The following TCTN1 variants were observed in gnomAD, a reference collection of about 807,000 sequenced individuals.
TCTN1 encodes tectonic family member 1, also known as tectonic-1.
TCTN1 carries 58 observed loss-of-function variants against 65.8 expected under a neutral mutation model. The observed-to-expected ratio is 0.88, with a 90% confidence interval of 0.71 to 1.10. The LOEUF (loss-of-function observed/expected upper bound fraction) is 1.10. TCTN1 is among the 50% of genes least tolerant of loss of function. The pLI, the probability that TCTN1 is intolerant of heterozygous loss-of-function variation, is 0.00. For synonymous variants in TCTN1, 273 were observed against 289.1 expected, an observed-to-expected ratio of 0.94 and a Z score of 0.57; for missense variants, 645 against 719.4, an observed-to-expected ratio of 0.90 and a Z score of 1.18.
rs150852228 is a variant in TCTN1, at chr12:110,616,157, C to G, written c.220+1755C>G. On this transcript the variant is annotated intron_variant, in intron 1 of 14. Coordinates refer to ENST00000397659, the MANE Select transcript of TCTN1 (RefSeq NM_001082538.3). ...CTCCATCTGTTAATGCATTTTCTCT[C>G]CAAAATAAAGCTATGCTTGAAACAT... 18 of 273,402 alleles carry G rather than the reference C, an allele frequency of 6.6e-5. No homozygotes were observed. The East Asian group carries it at 1.7e-3, about 25-fold the overall frequency. 16.9% of individuals were successfully genotyped at this position (273,402 alleles called of 1,614,324 possible).
intron 14 of TCTN1, among the ~76,000 whole-genome samples, chr12:110,648,146 T>C (rs1216903483): frequency 6.6e-6 from 1 of 152,152 alleles, no homozygotes; most frequent in East Asian, 1.9e-4. Flanking sequence ...AATTTTAATA[T>C]AGTTTGTAGA....
chr12:110,632,521 C>G lies in TCTN1; in HGVS notation c.674C>G (p.Ser225Cys), dbSNP rs766174385. Residue 225 changes from serine (S) to cysteine (C), a missense_variant, in exon 5 of 15, where the codon TCC (serine) becomes TGC (cysteine). By Grantham distance (112) the Ser-to-Cys change is moderately radical (BLOSUM62 -1). Coordinates refer to ENST00000397659, the MANE Select transcript of TCTN1 (RefSeq NM_001082538.3). ...GATTCGTTTCTGAGATTTCCTTCGTCCCTGACATCATCTCTGTGCACTGAT... is the reference window on the plus strand; with the variant it reads ...GATTCGTTTCTGAGATTTCCTTCGTGCCTGACATCATCTCTGTGCACTGAT... Reference protein sequence around the residue: ...TSDSFLRFPSSLTSSLCTDNN... With the variant: ...TSDSFLRFPSCLTSSLCTDNN... The G allele has an allele frequency of 1.9e-6, 3 of 1,614,036 alleles. No homozygotes were observed. The South Asian group carries it at 3.3e-5, about 18-fold the overall frequency.
At position 110,645,649 on chromosome 12, in the gene TCTN1, C is replaced by T. The variant is rs182587137; in HGVS notation, c.1494+520C>T. 184 of 175,870 alleles carry T rather than the reference C, an allele frequency of 1.0e-3. 4 individuals are homozygous for T. The highest frequency in any genetic ancestry group is 9.1e-3 in the Admixed American group (167 of 18,330). The allele number at this position is 175,870 out of a possible 1,614,324, so 10.9% of individuals were successfully genotyped here. The stretch of plus-strand genomic sequence containing the variant: ...GCCCACACCTGAGAGTTTTCACTGC[C>T]ACAGTTCCTCACAGAGTTGAATGGA... On this transcript the variant is annotated intron_variant, in intron 12 of 14. Transcript: ENST00000397659.
Position 110,634,677 on chromosome 12 carries a change from G to A in TCTN1, c.720G>A (p.Leu240=), listed in dbSNP as rs2066445334. ...LCTDNNPAAF[L]VNQAVKCTRK... Reference sequence around the variant, plus strand: ...AATGTTAATGATTTCTAGCGTTTCTGGTGAACCAGGCTGTTAAGTGCACCA... The same window carrying A: ...AATGTTAATGATTTCTAGCGTTTCTAGTGAACCAGGCTGTTAAGTGCACCA... Residue 240 remains leucine, a synonymous_variant, in exon 6 of 15, where the codon CTG becomes CTA. Coordinates refer to ENST00000397659, the MANE Select transcript of TCTN1 (RefSeq NM_001082538.3). The A allele has an allele frequency of 6.2e-7, 1 of 1,605,700 alleles. No homozygotes were observed. Among genetic ancestry groups the A allele is most frequent in the South Asian group, 1.1e-5 (1 of 89,182 alleles).
chr12:110,618,531 G>A (rs538469159), intron 1 of TCTN1, among the ~76,000 whole-genome samples: 8 of 152,120 alleles, frequency 5.3e-5, no homozygotes, highest in African/African-American at 7.2e-5. Flanking sequence ...GAACCACCGC[G>A]CCCAGCCTAA....
chr12:110,644,459 T>G lies in TCTN1; in HGVS notation c.1332-508T>G, dbSNP rs559453782. The G allele has an allele frequency of 5.0e-6, 1 of 201,848 alleles. No homozygotes were observed. The highest frequency in any genetic ancestry group is 5.3e-5 in the Admixed American group (1 of 18,788). 12.5% of individuals were successfully genotyped at this position (201,848 alleles called of 1,614,324 possible). A position where few individuals can be genotyped will look rare whatever the true frequency, so the allele number is the denominator to read the frequency against. ...GGGAGGCTGATGTGGGCAGATCACC[T>G]GAGGTTGGGAGTTCGAGACCAGCCT... On this transcript the variant is annotated intron_variant, in intron 11 of 14. Transcript: ENST00000397659. The surrounding 1 kb of genome is among the most constrained non-coding windows in gnomAD (Gnocchi z 4.6).
chr12:110,637,359 A>G (rs1314386399), intron 7 of TCTN1, among the ~76,000 whole-genome samples: 1 of 152,154 alleles, frequency 6.6e-6, no homozygotes, highest in African/African-American at 2.4e-5. Context: ...GACTTCACTG[A>G]TGCTCTGCAC....
intron 1 of TCTN1, among the ~76,000 whole-genome samples, chr12:110,616,109 A>G (rs540678694): frequency 1.3e-5 from 2 of 152,124 alleles, no homozygotes; most frequent in South Asian, 4.2e-4. Flanking sequence ...TTTGGACTGG[A>G]TTGTCTTTTA....
intron 1 of TCTN1, chr12:110,616,250 CTTTAT>C (rs2065025528): frequency 2.2e-6 from 1 of 445,300 alleles, no homozygotes; most frequent in South Asian, 1.6e-5. Flanking sequence ...TGTCCTCACA[CTTTAT>C]TTTTTTTTTT....
At chr12:110,624,583 CTT>C (rs763826656) in intron 2 of TCTN1, among the ~76,000 whole-genome samples, 48 of 133,076 alleles carry the variant, frequency 3.6e-4, no homozygotes, top group Admixed American at 5.4e-4. Context: ...CTCATAACTT[CTT>C]TTTTTTTTTT....
rs761052936 is a variant in TCTN1 at position 110,619,947 on chromosome 12, C to T, written c.332C>T (p.Pro111Leu). The change falls in exon 2 of 15, where the codon CCA becomes CTA. Residue 111 changes from proline to leucine, a missense_variant. By Grantham distance (98) the Pro-to-Leu change is moderately conservative. Transcript: ENST00000397659. ...AGTGTCTTTTCTGCCTGCTCAGTTC[C>T]AGTTGTCACGTAAGTTTACGTATGA... ...DFSVFSACSVPVVTGDSQFCS... is the reference protein window; with the variant it reads ...DFSVFSACSVLVVTGDSQFCS... 13 of 1,614,036 alleles carry T rather than the reference C, an allele frequency of 8.1e-6. No individual in the cohort carries two copies. Among genetic ancestry groups the T allele is most frequent in the South Asian group, 1.1e-5 (1 of 91,090 alleles).
chr12:110,614,702 A>G (rs2064913927), intron 1 of TCTN1, among the ~76,000 whole-genome samples: 1 of 152,242 alleles, frequency 6.6e-6, no homozygotes, highest in Non-Finnish European at 1.5e-5. Context: ...GAATTCTTGC[A>G]GCCCAAGACG....
Position 110,628,893 on chromosome 12 carries a change from A to G in TCTN1, c.599A>G (p.Asp200Gly), listed in dbSNP as rs761205378. ...ESYVSFTTKL[D>G]IPTAAKYEYG... Reference sequence around the variant, plus strand: ...TATGTTTCCTTCACAACCAAACTGGATATTCCTACTGCTGCTAAATATGAG... The same window carrying G: ...TATGTTTCCTTCACAACCAAACTGGGTATTCCTACTGCTGCTAAATATGAG... The change falls in exon 4 of 15, where the codon GAT (aspartate) becomes GGT (glycine). Residue 200 changes from aspartate (D) to glycine (G), a missense_variant. Physicochemically the swap from Asp to Gly is moderately conservative, Grantham distance 94. Transcript: ENST00000397659. 3.7e-6 allele frequency: 6 copies of G among 1,613,630 alleles called. No individual in the cohort carries two copies. The highest frequency in any genetic ancestry group is 3.3e-5 in the South Asian group (3 of 91,084).
In TCTN1 at chr12:110,649,256, A is replaced by G. The variant is rs567316596; in HGVS notation, c.*215A>G. ...TCTTGGTGGTACTGGACCTTCCACA[A>G]GGCTGTGTCCACCCAGAATCCATGC... On this transcript the variant is annotated 3_prime_UTR_variant, in exon 15 of 15. Transcript: ENST00000397659. 6.3e-5 allele frequency: 43 copies of G among 685,888 alleles called. No individual in the cohort carries two copies. In the East Asian group the frequency reaches 9.2e-4, roughly 15 times the overall value. The allele number at this position is 685,888 out of a possible 1,614,324, so 42.5% of individuals were successfully genotyped here.
At chr12:110,637,815 A>T (rs1251637183) in intron 7 of TCTN1, among the ~76,000 whole-genome samples, 2 of 152,224 alleles carry the variant, frequency 1.3e-5, no homozygotes, top group Non-Finnish European at 2.9e-5. Flanking sequence ...CAGCCCTATC[A>T]GCCTTGTTCA....
At chr12:110,621,601 G>A (rs1375733262) in intron 2 of TCTN1, among the ~76,000 whole-genome samples, 2 of 151,570 alleles carry the variant, frequency 1.3e-5, no homozygotes, top group African/African-American at 2.4e-5. Flanking sequence ...GCCTCCCAAC[G>A]AGCTGGGACT....
In TCTN1 at chr12:110,628,811, A is replaced by G. The variant is rs756961085; in HGVS notation, c.517A>G (p.Asn173Asp). The part of the protein sequence containing the change: ...SFINPEVPDE[N>D]NFDTLMKTSD... ...TATTAATCCAGAAGTACCTGATGAAAACAATTTTGATACATTGATGAAAAC... is the reference window on the plus strand; with the variant it reads ...TATTAATCCAGAAGTACCTGATGAAGACAATTTTGATACATTGATGAAAAC... Residue 173 changes from asparagine (N) to aspartate (D), a missense_variant, in exon 4 of 15, where the codon AAC (asparagine) becomes GAC (aspartate). Coordinates refer to ENST00000397659, the MANE Select transcript of TCTN1 (RefSeq NM_001082538.3). The G allele has an allele frequency of 6.2e-7, 1 of 1,612,458 alleles. No individual in the cohort carries two copies. The highest frequency in any genetic ancestry group is 1.3e-5 in the African/African-American group (1 of 74,908).
intron 2 of TCTN1, among the ~76,000 whole-genome samples, chr12:110,624,876 C>T (rs1054812281): frequency 1.3e-5 from 2 of 152,172 alleles, no homozygotes; most frequent in Admixed American, 1.3e-4. Flanking sequence ...TCCACTGTGC[C>T]TGGTCCTGTA....
chr12:110,619,233 A>G (rs1380219445), intron 1 of TCTN1, among the ~76,000 whole-genome samples: 1 of 151,870 alleles, frequency 6.6e-6, no homozygotes, highest in Non-Finnish European at 1.5e-5. Context: ...GGAGATTCCT[A>G]CCCCGCCCTC....
Sources: allele counts gnomAD v4.1 joint callset (sites outside exome capture counted in the v4.1 genomes callset), GRCh38; gene constraint gnomAD v4.1.1; non-coding constraint Gnocchi (gnomAD v3.1); transcripts MANE v1.5; gene names NCBI Gene and HGNC (gene_info 2026-07-23, HGNC 2026-07-21).